IQCM: variants seen among roughly 807,000 people sequenced by gnomAD.
The protein encoded by IQCM is IQ domain-containing protein M.
In IQCM, 45 loss-of-function variants were observed where a neutral mutation model predicts 57.6. The ratio of observed to expected loss-of-function variants is 0.78; its 90% CI spans 0.62 to 1.00. The LOEUF (loss-of-function observed/expected upper bound fraction) is 1.00. IQCM is among the 50% of genes least tolerant of loss of function. The pLI, the probability that IQCM is intolerant of heterozygous loss-of-function variation, is 0.00. For synonymous variants in IQCM, 148 were observed against 158.9 expected, an observed-to-expected ratio of 0.93 and a Z score of 0.51; for missense variants, 468 against 511.6, an observed-to-expected ratio of 0.91 and a Z score of 0.82.
intron 12 of IQCM, among the ~76,000 whole-genome samples, chr4:149,466,398 A>T (rs1738862358): frequency 6.6e-6 from 1 of 152,106 alleles, no homozygotes; most frequent in Admixed American, 6.6e-5. Context: ...TCCTGTTCTG[A>T]TCTCTTTTGC....
intron 7 of IQCM, among the ~76,000 whole-genome samples, chr4:149,670,048 A>C (rs985681364): frequency 3.9e-5 from 6 of 152,166 alleles, no homozygotes; most frequent in African/African-American, 1.4e-4. Context: ...ATGGCATTGA[A>C]TCTATAAATT....
chr4:149,398,488 C>T (rs1732389358), intron 13 of IQCM, among the ~76,000 whole-genome samples: 2 of 152,018 alleles, frequency 1.3e-5, no homozygotes, highest in South Asian at 4.1e-4. Flanking sequence ...ATCTTCCAAT[C>T]CATGAACACA....
chr4:149,383,941 G>A (rs1485138978), intron 13 of IQCM, among the ~76,000 whole-genome samples: 8 of 152,018 alleles, frequency 5.3e-5, no homozygotes, highest in East Asian at 1.9e-4. Flanking sequence ...GAAGAAGAGC[G>A]AAACTCCATC....
intron 7 of IQCM, among the ~76,000 whole-genome samples, chr4:149,648,230 G>T (rs1758819243): frequency 6.6e-6 from 1 of 151,816 alleles, no homozygotes; most frequent in Non-Finnish European, 1.5e-5. Flanking sequence ...TTTTTCCATT[G>T]GTTTTTGTAC....
chr4:149,482,478 T>C (rs1741014952), intron 12 of IQCM, among the ~76,000 whole-genome samples: 1 of 152,002 alleles, frequency 6.6e-6, no homozygotes, highest in Non-Finnish European at 1.5e-5. Flanking sequence ...TTGGAGGTTT[T>C]TTATCATGAA....
At chr4:149,802,942 G>A (rs950526305) in intron 2 of IQCM, among the ~76,000 whole-genome samples, 2 of 151,870 alleles carry the variant, frequency 1.3e-5, no homozygotes, top group Non-Finnish European at 2.9e-5. Context: ...TTGGAGGTCA[G>A]GAACAATCCT....
intron 5 of IQCM, among the ~76,000 whole-genome samples, chr4:149,687,710 A>G (rs1424991501): frequency 6.6e-6 from 1 of 151,910 alleles, no homozygotes; most frequent in East Asian, 1.9e-4. Flanking sequence ...ACAAAATACT[A>G]GCTAACTGAG....
At chr4:149,577,056 C>A (rs1751727497) in intron 9 of IQCM, among the ~76,000 whole-genome samples, 1 of 151,920 alleles carries the variant, frequency 6.6e-6, no homozygotes, top group African/African-American at 2.4e-5. Flanking sequence ...AATGTCTGTT[C>A]ATGTCCTTTG....
rs1038262037 is a variant in IQCM, at chr4:149,733,456, G to A, written c.173C>T (p.Pro58Leu). ...INVFRKKHQK[P>L]KSGKYIPLEI... Reference sequence around the variant, plus strand: ...CAAAGGTATGTATTTGCCAGATTTCGGTTTTTGGTGTTTCTTTCTAAAAAC... The same window carrying A: ...CAAAGGTATGTATTTGCCAGATTTCAGTTTTTGGTGTTTCTTTCTAAAAAC... Residue 58 changes from proline (P) to leucine (L), a missense_variant, in exon 5 of 14, where the codon CCG (proline) becomes CTG (leucine). By Grantham distance (98) the Pro-to-Leu change is moderately conservative. Coordinates refer to ENST00000636793, the MANE Select transcript of IQCM (RefSeq NM_001363507.2). 3.4e-5 allele frequency: 42 copies of A among 1,231,054 alleles called. No homozygotes were observed. The East Asian group carries it at 3.8e-4, about 11-fold the overall frequency. The allele number at this position is 1,231,054 out of a possible 1,614,324, so 76.3% of individuals were successfully genotyped here.
chr4:149,482,080 T>C (rs1303607453), intron 12 of IQCM, among the ~76,000 whole-genome samples: 1 of 151,932 alleles, frequency 6.6e-6, no homozygotes, highest in Non-Finnish European at 1.5e-5. Flanking sequence ...TTTTGGATTG[T>C]TCACTGTTGA....
At chr4:149,576,454 G>C (rs951506601) in intron 9 of IQCM, among the ~76,000 whole-genome samples, 1 of 151,748 alleles carries the variant, frequency 6.6e-6, no homozygotes, top group African/African-American at 2.4e-5. Flanking sequence ...ATTGTATAGT[G>C]GTGAGGTTTG....
chr4:149,439,834 G>GT (rs2111321476), intron 12 of IQCM, among the ~76,000 whole-genome samples: 1 of 152,016 alleles, frequency 6.6e-6, no homozygotes, highest in Non-Finnish European at 1.5e-5. Context: ...CATAGTGACA[G>GT]TTTTTATTGG....
chr4:149,436,488 A>G (rs1173206805), intron 12 of IQCM, among the ~76,000 whole-genome samples: 1 of 152,068 alleles, frequency 6.6e-6, no homozygotes, highest in Non-Finnish European at 1.5e-5. Flanking sequence ...CTAATTCCCC[A>G]TTTCCAATTG....
At chr4:149,696,518 C>T (rs942487787) in intron 5 of IQCM, among the ~76,000 whole-genome samples, 2 of 152,126 alleles carry the variant, frequency 1.3e-5, no homozygotes, top group Non-Finnish European at 2.9e-5. Context: ...TGTTCATACA[C>T]CAAAGACACC....
chr4:149,765,840 C>T (rs1769993593), intron 2 of IQCM, among the ~76,000 whole-genome samples: 1 of 151,980 alleles, frequency 6.6e-6, no homozygotes, highest in Admixed American at 6.6e-5. Context: ...ACTGAAACCA[C>T]CCAGATCCAT....
intron 2 of IQCM, among the ~76,000 whole-genome samples, chr4:149,782,905 T>G (rs1217705498): frequency 1.3e-5 from 2 of 152,198 alleles, no homozygotes; most frequent in Non-Finnish European, 2.9e-5. Flanking sequence ...TGGACACTCC[T>G]TCTCAGTCTT....
At chr4:149,499,929 T>G (rs1743066343) in intron 12 of IQCM, among the ~76,000 whole-genome samples, 1 of 152,198 alleles carries the variant, frequency 6.6e-6, no homozygotes, top group Non-Finnish European at 1.5e-5. Flanking sequence ...AGTTCTTGTG[T>G]CTGACCCTTC....
intron 13 of IQCM, among the ~76,000 whole-genome samples, chr4:149,417,537 A>T (rs913196832): frequency 1.3e-5 from 2 of 152,152 alleles, no homozygotes; most frequent in Non-Finnish European, 2.9e-5. Flanking sequence ...AGTGAAGTTT[A>T]ATTTAATAAT....
At chr4:149,619,119 T>TCC (rs1756077791) in intron 8 of IQCM, among the ~76,000 whole-genome samples, 2 of 148,268 alleles carry the variant, frequency 1.3e-5, no homozygotes, top group African/African-American at 5.0e-5. Context: ...TATATATATA[T>TCC]ATATATATAT....
Sources: gnomAD v4.1 joint callset for allele counts (sites outside exome capture counted in the v4.1 genomes callset) on GRCh38, gnomAD v4.1.1 for gene constraint, MANE v1.5 for transcripts, NCBI Gene and HGNC (gene_info 2026-07-23, HGNC 2026-07-21) for gene names.